Variants in ZNF761 observed in about 807,000 individuals in gnomAD.
The protein encoded by ZNF761 is zinc finger protein 761.
A neutral mutation model predicts 59.9 loss-of-function variants in ZNF761; 43 were observed. The observed-to-expected ratio is 0.72, with a 90% confidence interval of 0.56 to 0.92. The LOEUF (loss-of-function observed/expected upper bound fraction) is 0.92. Ranked by LOEUF, ZNF761 falls within the 40% of genes least tolerant of loss-of-function variation. The pLI is 0.00. For synonymous variants in ZNF761, 294 were observed against 304.8 expected, an observed-to-expected ratio of 0.96 and a Z score of 0.37; for missense variants, 850 against 906.1, an observed-to-expected ratio of 0.94 and a Z score of 0.79.
intron 1 of ZNF761, chr19:53,441,681 A>T (rs111491283): frequency 2.1e-4 from 103 of 487,970 alleles, no homozygotes; most frequent in Non-Finnish European, 3.6e-4. Context: ...TCCTGACCTC[A>T]GGTGATCCAC....
chr19:53,433,042 A>C (rs568334245), intron 1 of ZNF761, among the ~76,000 whole-genome samples: 75 of 124,000 alleles, frequency 6.0e-4, no homozygotes, highest in African/African-American at 1.1e-3. Context: ...GAGAGTGGGG[A>C]CAGGGGGGTA....
intron 1 of ZNF761, among the ~76,000 whole-genome samples, chr19:53,436,334 TC>T (rs1462281637): frequency 6.6e-6 from 1 of 152,252 alleles, no homozygotes; most frequent in Non-Finnish European, 1.5e-5. Flanking sequence ...TTTCTTGTAT[TC>T]AGTTATGGAC....
intron 4 of ZNF761, among the ~76,000 whole-genome samples, chr19:53,451,949 T>C (rs112327401): frequency 0.066 from 9,973 of 152,076 alleles, 371 homozygotes; most frequent in Middle Eastern, 0.13. Context: ...TTAAGATTTA[T>C]AGTACAGGCT....
At position 53,457,695 on chromosome 19, in the gene ZNF761, A is replaced by G. The variant is rs571603150; in HGVS notation, c.*947A>G. On this transcript the variant is annotated 3_prime_UTR_variant, in exon 5 of 5. Coordinates refer to ENST00000684525, the MANE Select transcript of ZNF761 (RefSeq NM_001289951.2). ...ATTAATTGACATTAGTGTTTATGTT[A>G]AGAGGATTGGGCCAGGCACATCAGC... is the stretch of plus-strand genomic sequence containing the variant. The G allele has an allele frequency of 1.9e-5, 4 of 215,472 alleles. No individual in the cohort carries two copies. The South Asian group carries it at 3.1e-4, about 17-fold the overall frequency. 13.3% of individuals were successfully genotyped at this position (215,472 alleles called of 1,614,324 possible).
Position 53,455,894 on chromosome 19 carries a change from G to A in ZNF761, c.1387G>A (p.Glu463Lys), listed in dbSNP as rs910910656. 3 of 1,613,842 alleles carry A rather than the reference G, an allele frequency of 1.9e-6. No homozygotes were observed. Among genetic ancestry groups the A allele is most frequent in the African/African-American group, 1.3e-5 (1 of 74,894 alleles). Residue 463 changes from glutamate (E) to lysine (K), a missense_variant, in exon 5 of 5, where the codon GAG (glutamate) becomes AAG (lysine). Coordinates refer to ENST00000684525, the MANE Select transcript of ZNF761 (RefSeq NM_001289951.2). ...ATGCCATCGTAGACGTCATACTGGA[G>A]AGCAACCTTACAAATGTGAAGAATG... ...LTCHRRRHTG[E>K]QPYKCEECDK...
chr19:53,452,207 T>A (rs71363340), intron 4 of ZNF761, among the ~76,000 whole-genome samples: 4,067 of 152,020 alleles, frequency 0.027, 91 homozygotes, highest in Admixed American at 0.057. Context: ...AATTGGCCAG[T>A]TGTGGTGGCT....
intron 1 of ZNF761, chr19:53,441,789 A>G: frequency 2.9e-6 from 3 of 1,035,424 alleles, no homozygotes; most frequent in South Asian, 1.3e-5. Context: ...TTAATTCATA[A>G]TCACAGAGAG....
intron 1 of ZNF761, among the ~76,000 whole-genome samples, chr19:53,441,324 A>G (rs1489415655): frequency 6.6e-6 from 1 of 152,192 alleles, no homozygotes; most frequent in African/African-American, 2.4e-5. Flanking sequence ...AAGGGACATC[A>G]AAAGTGCTTT....
chr19:53,446,023 TTG>T (rs1435701645), intron 1 of ZNF761, among the ~76,000 whole-genome samples: 2 of 152,178 alleles, frequency 1.3e-5, no homozygotes, highest in Non-Finnish European at 2.9e-5. Context: ...CTGTCTCAGG[TTG>T]CTGTCCCTGC....
chr19:53,439,430 C>T (rs1369524172), intron 1 of ZNF761, among the ~76,000 whole-genome samples: 5 of 151,978 alleles, frequency 3.3e-5, no homozygotes, highest in African/African-American at 9.7e-5. Flanking sequence ...CTCAGCCTCC[C>T]GAATAGGTGG....
At chr19:53,438,399 C>G (rs1353759986) in intron 1 of ZNF761, among the ~76,000 whole-genome samples, 1 of 152,224 alleles carries the variant, frequency 6.6e-6, no homozygotes, top group African/African-American at 2.4e-5. Flanking sequence ...AAATATGCCA[C>G]TGGGTGACGC....
rs889260873 is a variant in ZNF761, at chr19:53,456,837, T to C, written c.*89T>C. 7.0e-7 allele frequency: 1 copy of C among 1,434,664 alleles called. No homozygotes were observed. Among genetic ancestry groups the C allele is most frequent in the African/African-American group, 1.4e-5 (1 of 70,688 alleles). 88.9% of individuals were successfully genotyped at this position (1,434,664 alleles called of 1,614,324 possible). On this transcript the variant is annotated 3_prime_UTR_variant, in exon 5 of 5. Coordinates refer to ENST00000684525, the MANE Select transcript of ZNF761 (RefSeq NM_001289951.2). ...GGAGAAACCTTAGAAATGTGAAGCA[T>C]GTGATAAAGTTTACAGTGGCAAATC...
Position 53,435,537 on chromosome 19 carries a change from A to AT in ZNF761, c.-185+3509_-185+3510insT, listed in dbSNP as rs535066416. On this transcript the variant is annotated intron_variant, in intron 1 of 4. Coordinates refer to ENST00000684525, the MANE Select transcript of ZNF761 (RefSeq NM_001289951.2). ...AGGCTGGTCTCGAACTCCCGACCTC[A>AT]GGTGATCCACCCATCGTGGCCTCCA... 3.0e-3 allele frequency among the ~76,000 whole-genome samples: 461 copies of AT among 152,066 alleles called. 4 individuals carry two copies. The highest frequency in any genetic ancestry group is 0.011 in the African/African-American group (444 of 41,472).
At position 53,454,664 on chromosome 19, in the gene ZNF761, T is replaced by C. The variant is rs200311936; in HGVS notation, c.157T>C (p.Cys53Arg). The change falls in exon 5 of 5, where the codon TGC (cysteine) becomes CGC (arginine). Residue 53 changes from cysteine (C) to arginine (R), a missense_variant. Cys to Arg is a radical substitution (Grantham distance 180). Transcript: ENST00000684525. ...NLVSLDISSKCTMKEFLSTAQ... is the reference protein window; with the variant it reads ...NLVSLDISSKRTMKEFLSTAQ... ...ATGTTTTGTAGATATCTCTTCCAAA[T>C]GCACGATGAAGGAGTTCTTGTCAAC... 9.5e-5 allele frequency: 152 copies of C among 1,595,818 alleles called. No homozygotes were observed. The African/African-American group carries it at 1.6e-3, about 17-fold the overall frequency.
intron 1 of ZNF761, among the ~76,000 whole-genome samples, chr19:53,440,594 C>G (rs375671939): frequency 6.6e-6 from 1 of 152,096 alleles, no homozygotes; most frequent in African/African-American, 2.4e-5. Flanking sequence ...ACTCTGTTCC[C>G]TTTTTGCAGG....
At chr19:53,442,015 C>A in intron 1 of ZNF761, 3 of 1,074,160 alleles carry the variant, frequency 2.8e-6, no homozygotes, top group Non-Finnish European at 4.2e-6. Context: ...AAGTGGCCTC[C>A]GTGAACGGTA....
intron 1 of ZNF761, among the ~76,000 whole-genome samples, chr19:53,439,666 G>A (rs540431830): frequency 3.3e-5 from 5 of 152,300 alleles, no homozygotes; most frequent in African/African-American, 1.2e-4. Flanking sequence ...TGGATGGATA[G>A]TTACTGTGGC....
rs1284571104 is a variant in ZNF761, at chr19:53,455,584, T to C, written c.1077T>C (p.Cys359=). Residue 359 remains cysteine (C), a synonymous_variant, in exon 5 of 5, where the codon TGT becomes TGC. Coordinates refer to ENST00000684525, the MANE Select transcript of ZNF761 (RefSeq NM_001289951.2). The stretch of plus-strand genomic sequence containing the variant: ...AGAAACCTTACAAGTGTAATGAGTG[T>C]GGCAAGACCTTTAGTCACAAGTCAT... ...TGEKPYKCNE[C]GKTFSHKSSL... 3 of 1,614,004 alleles carry C rather than the reference T, an allele frequency of 1.9e-6. No homozygotes were observed. The highest frequency in any genetic ancestry group is 1.7e-6 in the Non-Finnish European group (2 of 1,180,026).
At chr19:53,451,321 C>T (rs1365988531) in intron 4 of ZNF761, among the ~76,000 whole-genome samples, 4 of 152,184 alleles carry the variant, frequency 2.6e-5, no homozygotes, top group African/African-American at 9.7e-5. Flanking sequence ...AGCAATTCTC[C>T]TGCCTCAGTG....
Sources: gnomAD v4.1 joint callset for allele counts (sites outside exome capture counted in the v4.1 genomes callset) on GRCh38, gnomAD v4.1.1 for gene constraint, MANE v1.5 for transcripts, NCBI Gene and HGNC (gene_info 2026-07-23, HGNC 2026-07-21) for gene names.